GRIK5: variants seen among roughly 807,000 people sequenced by gnomAD.
The protein encoded by GRIK5 is glutamate receptor ionotropic, kainate 5.
Under a neutral mutation model 97.4 loss-of-function variants are expected in GRIK5, and 43 were observed. That is an observed-to-expected ratio of 0.44 (90% confidence interval 0.35 to 0.57). The LOEUF (loss-of-function observed/expected upper bound fraction) is 0.57, where lower values mean the gene tolerates loss of function less well. Among genes scored for constraint, GRIK5 ranks in the 20% least tolerant of loss-of-function variants. GRIK5 has a pLI of 0.01. For synonymous variants in GRIK5, 580 were observed against 583.5 expected (o/e 0.99, Z 0.09); for missense variants, 1,015 against 1,382.0 (o/e 0.73, Z 4.21).
chr19:42,038,708 G>A (rs911495177), intron 12 of GRIK5, among the ~76,000 whole-genome samples: 15 of 152,258 alleles, frequency 9.9e-5, no homozygotes, highest in Non-Finnish European at 2.1e-4. Flanking sequence ...CTCACACTGG[G>A]CAGTGATCCT....
At chr19:42,038,514 A>C (rs556570086) in intron 12 of GRIK5, among the ~76,000 whole-genome samples, 1 of 152,352 alleles carries the variant, frequency 6.6e-6, no homozygotes, top group South Asian at 2.1e-4. Flanking sequence ...TCCCTCTCTC[A>C]CTGGGTGGCC....
At chr19:42,024,200 A>C (rs1599774631) in intron 12 of GRIK5, among the ~76,000 whole-genome samples, 5 of 135,950 alleles carry the variant, frequency 3.7e-5, no homozygotes, top group Non-Finnish European at 4.7e-5. Context: ...TCTCTCTCAC[A>C]TTCCCCATTG....
At chr19:42,004,724 C>T (rs1193139176) in intron 17 of GRIK5, among the ~76,000 whole-genome samples, 1 of 152,198 alleles carries the variant, frequency 6.6e-6, no homozygotes, top group Admixed American at 6.5e-5. Flanking sequence ...TGGGCTCAAG[C>T]GATCCTCCTA....
chr19:42,034,276 G>T (rs2075875053), intron 12 of GRIK5, among the ~76,000 whole-genome samples: 1 of 152,124 alleles, frequency 6.6e-6, no homozygotes, highest in Non-Finnish European at 1.5e-5. Context: ...TGGGAGGATT[G>T]CTTGAGCCTG....
chr19:42,062,493 G>C lies in GRIK5; in HGVS notation c.503C>G (p.Ala168Gly). The change falls in exon 5 of 20, where the codon GCT (alanine) becomes GGT (glycine). Residue 168 changes from alanine (A) to glycine (G), a missense_variant. By Grantham distance (60) the Ala-to-Gly change is moderately conservative. This residue lies in a region of GRIK5 where 477 missense variants were observed against 701.1 expected (regional missense o/e 0.68). Transcript: ENST00000593562. The surrounding 1 kb of genome is among the most constrained non-coding windows in gnomAD (Gnocchi z 5.3). ...YPSASLICAK[A>G]ECLLRLEELV... ...AACATTCAGTTCTCCCTCACACTCA[G>C]CCTTGGCGCAGATGAGGCTGGCCGA... The C allele has an allele frequency of 6.2e-7, 1 of 1,614,116 alleles. No individual in the cohort carries two copies. The highest frequency in any genetic ancestry group is 8.5e-7 in the Non-Finnish European group (1 of 1,179,996).
In GRIK5 at chr19:42,006,830, A is replaced by G. The variant is rs1555872839; in HGVS notation, c.1872-20T>C. The G allele has an allele frequency of 6.4e-7, 1 of 1,572,036 alleles. No individual in the cohort carries two copies. The highest frequency in any genetic ancestry group is 2.3e-5 in the East Asian group (1 of 44,368). On this transcript the variant is annotated intron_variant, in intron 15 of 19. Coordinates refer to ENST00000593562, the MANE Select transcript of GRIK5 (RefSeq NM_002088.5). The surrounding 1 kb of genome is among the most constrained non-coding windows in gnomAD (Gnocchi z 5.3). Reference sequence around the variant, plus strand: ...GCCCACCTGAAGGGTGGGAGGGGTGAGTCACGGGCTGGAGTCACCCCTGCT... The same window carrying G: ...GCCCACCTGAAGGGTGGGAGGGGTGGGTCACGGGCTGGAGTCACCCCTGCT...
intron 15 of GRIK5, among the ~76,000 whole-genome samples, chr19:42,014,401 CA>C (rs1037424131): frequency 4.8e-4 from 68 of 141,602 alleles, no homozygotes; most frequent in Non-Finnish European, 3.6e-4. Flanking sequence ...AACTCCATCT[CA>C]AAAAAAAAAA....
At chr19:42,005,995 G>A (rs1325969464) in intron 16 of GRIK5, 47 bp from the exon 17 acceptor site, 4 of 969,118 alleles carry the variant, frequency 4.1e-6, no homozygotes, top group African/African-American at 3.2e-5. Flanking sequence ...CTTTCCAGCC[G>A]CTTCCTTTCC....
At chr19:42,060,795 C>T (rs2076248439) in intron 5 of GRIK5, among the ~76,000 whole-genome samples, 1 of 151,984 alleles carries the variant, frequency 6.6e-6, no homozygotes, top group Admixed American at 6.6e-5. Flanking sequence ...TCTATTCCAA[C>T]ATCACCTTCT....
Position 42,002,028 on chromosome 19 carries a change from GGAA to G in GRIK5, c.2514+1301_2514+1303del, listed in dbSNP as rs1555871005. ...GAGTGACCGGAGAAGTGGGAGAAGG[GGAA>G]GAAGGGGCTTTGAGGATTGAGAGTG... On this transcript the variant is annotated intron_variant, in intron 19 of 19. Coordinates refer to ENST00000593562, the MANE Select transcript of GRIK5 (RefSeq NM_002088.5). The surrounding 1 kb of genome is among the most constrained non-coding windows in gnomAD (Gnocchi z 5.2). 1 of 635,844 alleles carries G rather than the reference GGAA, an allele frequency of 1.6e-6. No homozygotes were observed. The highest frequency in any genetic ancestry group is 2.9e-6 in the Non-Finnish European group (1 of 349,532). The allele number at this position is 635,844 out of a possible 1,614,324, so 39.4% of individuals were successfully genotyped here. A position where few individuals can be genotyped will look rare whatever the true frequency, so the allele number is the denominator to read the frequency against.
intron 1 of GRIK5, chr19:42,068,906 G>C: frequency 1.5e-6 from 1 of 684,898 alleles, no homozygotes; most frequent in Middle Eastern, 2.4e-4. Flanking sequence ...GAGCCAGTCT[G>C]GGACCAGGAC....
chr19:42,015,567 A>G (rs1006856736), intron 15 of GRIK5, among the ~76,000 whole-genome samples: 1 of 152,238 alleles, frequency 6.6e-6, no homozygotes, highest in African/African-American at 2.4e-5. Context: ...AGTGTGCTGC[A>G]GTTTCCTCAC....
intron 11 of GRIK5, among the ~76,000 whole-genome samples, chr19:42,052,315 C>T (rs1299507048): frequency 6.6e-6 from 1 of 151,822 alleles, no homozygotes; most frequent in Non-Finnish European, 1.5e-5. Context: ...TCTTCTGCCT[C>T]CAGGAGGCTT....
chr19:42,041,145 T>G (rs1215650192), intron 12 of GRIK5, among the ~76,000 whole-genome samples: 1 of 152,190 alleles, frequency 6.6e-6, no homozygotes, highest in Non-Finnish European at 1.5e-5. Flanking sequence ...AACGTCCTTG[T>G]CAAGCAAAGT....
In GRIK5 at chr19:42,003,543, G is replaced by C; in HGVS notation, c.2392+12C>G. ...GGGCTATGGGAAGGGGACACCATAC[G>C]CGGGAACTGACCTTTAGCTCGATGG... On this transcript the variant is annotated intron_variant, in intron 18 of 19. Transcript: ENST00000593562. The surrounding 1 kb of genome is among the most constrained non-coding windows in gnomAD (Gnocchi z 4.2). 1.2e-6 allele frequency: 2 copies of C among 1,608,744 alleles called. No individual in the cohort carries two copies. Among genetic ancestry groups the C allele is most frequent in the Non-Finnish European group, 1.7e-6 (2 of 1,176,964 alleles).
At chr19:42,068,783 A>C (rs890648597) in intron 1 of GRIK5, 18 of 566,710 alleles carry the variant, frequency 3.2e-5, no homozygotes, top group Non-Finnish European at 5.4e-5. Flanking sequence ...CAAGAGACAC[A>C]GGAAATGGGG....
rs2075410475 is a variant in GRIK5, at chr19:41,999,861, T to A, written c.2515-562A>T. Among the ~76,000 whole-genome samples the A allele has an allele frequency of 6.6e-6, 1 of 152,038 alleles. No individual in the cohort carries two copies. Among genetic ancestry groups the A allele is most frequent in the South Asian group, 2.1e-4 (1 of 4,820 alleles). On this transcript the variant is annotated intron_variant, in intron 19 of 19. Transcript: ENST00000593562. The surrounding 1 kb of genome is among the most constrained non-coding windows in gnomAD (Gnocchi z 5.0). ...AAGAAAATCGGGAAGAGGCCTAAGG[T>A]GTATGGGTAGGGAGTGACGATGAAT...
At position 42,002,540 on chromosome 19, in the gene GRIK5, C is replaced by A; in HGVS notation, c.2514+792G>T. ...CACTGGCAGGCAGCTGGATGCAGAG[C>A]TGGGGTCTGGGGAGTAGATGTAAGG... On this transcript the variant is annotated intron_variant, in intron 19 of 19. Coordinates refer to ENST00000593562, the MANE Select transcript of GRIK5 (RefSeq NM_002088.5). This position sits in a 1 kb window ranked among gnomAD's most constrained non-coding sequence, Gnocchi z 5.2. 2.9e-6 allele frequency: 2 copies of A among 687,232 alleles called. No individual in the cohort carries two copies. Among genetic ancestry groups the A allele is most frequent in the South Asian group, 1.6e-5 (1 of 62,210 alleles). 42.6% of individuals were successfully genotyped at this position (687,232 alleles called of 1,614,324 possible). A position where few individuals can be genotyped will look rare whatever the true frequency, so the allele number is the denominator to read the frequency against.
At position 42,021,156 on chromosome 19, in the gene GRIK5, C is replaced by A; in HGVS notation, c.1871+145G>T. The A allele has an allele frequency of 1.5e-6, 1 of 685,612 alleles. No homozygotes were observed. The highest frequency in any genetic ancestry group is 2.4e-6 in the Non-Finnish European group (1 of 418,948). 42.5% of individuals were successfully genotyped at this position (685,612 alleles called of 1,614,324 possible). A position where few individuals can be genotyped will look rare whatever the true frequency, so the allele number is the denominator to read the frequency against. On this transcript the variant is annotated intron_variant, in intron 15 of 19. Transcript: ENST00000593562. The surrounding 1 kb of genome is among the most constrained non-coding windows in gnomAD (Gnocchi z 4.2). ...TAAGCGGCAGAGCTGGAGCTCAGCT[C>A]TCCCCACCCCATTCCTCGTCACACA...
Sources: allele counts gnomAD v4.1 joint callset (sites outside exome capture counted in the v4.1 genomes callset), GRCh38; gene constraint gnomAD v4.1.1; regional missense constraint gnomAD v4.1.1; non-coding constraint Gnocchi (gnomAD v3.1); transcripts MANE v1.5; gene names NCBI Gene and HGNC (gene_info 2026-07-23, HGNC 2026-07-21).